The following ZC3H12B variants were observed in gnomAD, a reference collection of about 807,000 sequenced individuals.
ZC3H12B encodes probable ribonuclease ZC3H12B.
A neutral mutation model predicts 43.9 loss-of-function variants in ZC3H12B; 7 were observed. That is an observed-to-expected ratio of 0.16 (90% CI 0.09 to 0.30). ZC3H12B has a LOEUF of 0.30. Ranked by LOEUF, ZC3H12B falls within the 10% of genes least tolerant of loss-of-function variation. ZC3H12B has a pLI of 1.00. For synonymous variants in ZC3H12B, 222 were observed against 241.7 expected, an observed-to-expected ratio of 0.92 and a Z score of 0.76; for missense variants, 475 against 670.2, an observed-to-expected ratio of 0.71 and a Z score of 3.22.
intron 3 of ZC3H12B, among the ~76,000 whole-genome samples, chrX:65,424,323 ATTC>A (rs777104369): frequency 9.0e-6 from 1 of 111,614 alleles, no homozygotes; most frequent in East Asian, 2.8e-4. Context: ...TGTTTGTTCC[ATTC>A]TTGTAAATTT....
chrX:65,119,163 C>A, the ZC3H12B span, among the ~76,000 whole-genome samples: 197 of 111,248 alleles, frequency 1.8e-3, 2 homozygotes, highest in South Asian at 0.016. Context: ...GGGTGTATAC[C>A]CAGTAATCGG....
At chrX:65,241,629 T>A in the ZC3H12B span, among the ~76,000 whole-genome samples, 1 of 112,799 alleles carries the variant, frequency 8.9e-6, no homozygotes. Context: ...TGTGTGGAAT[T>A]TGTTTTCAGG....
the ZC3H12B span, among the ~76,000 whole-genome samples, chrX:65,174,252 G>A: frequency 2.7e-5 from 3 of 112,295 alleles, no homozygotes; most frequent in African/African-American, 9.7e-5. Context: ...GATGCAGTCT[G>A]TCCCTTAGCA....
chrX:65,390,922 T>C (rs761263271), intron 2 of ZC3H12B, among the ~76,000 whole-genome samples: 1 of 111,816 alleles, frequency 8.9e-6, no homozygotes, highest in African/African-American at 3.2e-5. Context: ...ATAACAATAA[T>C]TTTAAAATGT....
the ZC3H12B span, among the ~76,000 whole-genome samples, chrX:65,082,984 C>T: frequency 1.8e-5 from 2 of 109,419 alleles, no homozygotes. Context: ...TACATCATAT[C>T]AACAGAATGA....
the ZC3H12B span, among the ~76,000 whole-genome samples, chrX:65,313,895 T>C: frequency 8.9e-6 from 1 of 112,069 alleles, no homozygotes; most frequent in East Asian, 2.8e-4. Flanking sequence ...TCAGATATTA[T>C]AACCATGCTC....
the ZC3H12B span, among the ~76,000 whole-genome samples, chrX:65,231,473 G>GTATCTCAATCCTTATCTTAACCGCGTA: frequency 9.0e-6 from 1 of 110,823 alleles, no homozygotes; most frequent in African/African-American, 3.3e-5. Flanking sequence ...AGACCAGGGC[G>GTATCTCAATCCTTATCTTAACCGCGTA]TATCTCAATC....
At chrX:65,235,630 G>A in the ZC3H12B span, among the ~76,000 whole-genome samples, 1 of 111,204 alleles carries the variant, frequency 9.0e-6, no homozygotes, top group East Asian at 2.8e-4. Context: ...CCCACAGCTA[G>A]CCTGGTCAGG....
the ZC3H12B span, among the ~76,000 whole-genome samples, chrX:65,345,920 A>G: frequency 9.0e-6 from 1 of 111,380 alleles, no homozygotes; most frequent in African/African-American, 3.3e-5. Context: ...AAAGAAGTGA[A>G]TGATCTCTCC....
chrX:65,304,746 G>T, the ZC3H12B span, among the ~76,000 whole-genome samples: 12 of 111,543 alleles, frequency 1.1e-4, no homozygotes, highest in East Asian at 3.4e-3. Context: ...GAAAAAAATG[G>T]GGAATAATTT....
the ZC3H12B span, among the ~76,000 whole-genome samples, chrX:65,085,376 A>G: frequency 2.4e-4 from 27 of 111,469 alleles, no homozygotes; most frequent in Non-Finnish European, 3.8e-5. Context: ...CATTTATCCC[A>G]TAAACATATA....
chrX:65,159,858 C>T, the ZC3H12B span, among the ~76,000 whole-genome samples: 1 of 111,707 alleles, frequency 9.0e-6, no homozygotes, highest in African/African-American at 3.3e-5. Flanking sequence ...AAAGGGAATG[C>T]TTCCAGTTTT....
At chrX:65,137,140 ATAAAT>A in the ZC3H12B span, among the ~76,000 whole-genome samples, 13 of 112,460 alleles carry the variant, frequency 1.2e-4, no homozygotes, top group East Asian at 3.6e-3. Flanking sequence ...TTCTACTAAT[ATAAAT>A]TAAAAGTATT....
chrX:65,479,260 G>A (rs2068033982), intron 3 of ZC3H12B, among the ~76,000 whole-genome samples: 1 of 111,981 alleles, frequency 8.9e-6, no homozygotes, highest in African/African-American at 3.2e-5. Context: ...TCCGGGAAGA[G>A]GAGATGGGAA....
chrX:65,060,844 TG>T, the ZC3H12B span, among the ~76,000 whole-genome samples: 1 of 111,869 alleles, frequency 8.9e-6, no homozygotes, highest in South Asian at 3.7e-4. Flanking sequence ...ATTGGTTATT[TG>T]TTCTTCTTTC....
the ZC3H12B span, among the ~76,000 whole-genome samples, chrX:65,159,918 T>G: frequency 8.9e-6 from 1 of 111,834 alleles, no homozygotes; most frequent in African/African-American, 3.3e-5. Flanking sequence ...ATAGCTCTCA[T>G]TATTTTGAGA....
the ZC3H12B span, among the ~76,000 whole-genome samples, chrX:65,040,031 T>G: frequency 0.056 from 6,227 of 111,766 alleles, 167 homozygotes; most frequent in Non-Finnish European, 0.09. Flanking sequence ...GCTGTCTTAT[T>G]ACTACTGCTT....
chrX:65,231,827 A>G, the ZC3H12B span, among the ~76,000 whole-genome samples: 1 of 111,869 alleles, frequency 8.9e-6, no homozygotes, highest in Non-Finnish European at 1.9e-5. Flanking sequence ...ATCAGATTTC[A>G]TATTGTTCGA....
At chrX:65,106,505 G>A in the ZC3H12B span, among the ~76,000 whole-genome samples, 2 of 111,648 alleles carry the variant, frequency 1.8e-5, no homozygotes, top group Non-Finnish European at 1.9e-5. Flanking sequence ...GGGAGATTGT[G>A]TAGGAGGTAT....
Sources: gnomAD v4.1 joint callset for allele counts (sites outside exome capture counted in the v4.1 genomes callset) on GRCh38, gnomAD v4.1.1 for gene constraint, MANE v1.5 for transcripts, NCBI Gene and HGNC (gene_info 2026-07-23, HGNC 2026-07-21) for gene names.